The following CDKL3 variants were observed in gnomAD, a reference collection of about 807,000 sequenced individuals.
The protein encoded by CDKL3 is cyclin dependent kinase like 3.
In CDKL3, 65 loss-of-function variants were observed where a neutral mutation model predicts 69.3. The observed-to-expected ratio is 0.94, with a 90% CI of 0.77 to 1.15. CDKL3 has a LOEUF of 1.15. Among genes scored for constraint, CDKL3 ranks in the 50% most tolerant of loss-of-function variants. The pLI, the probability that CDKL3 is intolerant of heterozygous loss-of-function variation, is 0.00. For synonymous variants in CDKL3, 202 were observed against 221.6 expected (o/e 0.91, Z 0.79); for missense variants, 652 against 689.2 (o/e 0.95, Z 0.61).
At chr5:134,366,592 TTTTA>T (rs970341056) in intron 1 of CDKL3, 48 bp from the exon 2 acceptor site, 5 of 1,169,246 alleles carry the variant, frequency 4.3e-6, no homozygotes, top group African/African-American at 1.6e-5. Flanking sequence ...ACGTTTATAC[TTTTA>T]TTTATTAAAA....
At chr5:134,293,037 T>TTTTTA (rs1765193328) in intron 8 of CDKL3, among the ~76,000 whole-genome samples, 1 of 115,260 alleles carries the variant, frequency 8.7e-6, no homozygotes, top group Non-Finnish European at 1.7e-5. Flanking sequence ...TTTTTTTTTT[T>TTTTTA]GAGACGGAGT....
intron 3 of CDKL3, among the ~76,000 whole-genome samples, chr5:134,359,659 T>C (rs1449629696): frequency 2.0e-5 from 3 of 152,162 alleles, no homozygotes; most frequent in African/African-American, 7.2e-5. Flanking sequence ...AAATTACTGA[T>C]ACTGCCTTTA....
At chr5:134,313,852 A>G (rs911186185) in intron 6 of CDKL3, among the ~76,000 whole-genome samples, 3 of 152,084 alleles carry the variant, frequency 2.0e-5, no homozygotes, top group Admixed American at 1.3e-4. Flanking sequence ...GACTGCAACT[A>G]GTTGGCCAGG....
chr5:134,293,234 G>A (rs1307259522), intron 8 of CDKL3, among the ~76,000 whole-genome samples: 1 of 151,484 alleles, frequency 6.6e-6, no homozygotes, highest in African/African-American at 2.4e-5. Context: ...TGGTCAGGCT[G>A]GTCTCAAACT....
Position 134,366,455 on chromosome 5 carries a change from A to G in CDKL3, c.69T>C (p.His23=). Reference sequence around the variant, plus strand: ...TGGCCACTATCTGCCCAGTATTCTTATGTTTACATTTCATGACTGTTCCGT... The same window carrying G: ...TGGCCACTATCTGCCCAGTATTCTTGTGTTTACATTTCATGACTGTTCCGT... ...GSYGTVMKCK[H]KNTGQIVAIK... Residue 23 remains histidine, a synonymous_variant, in exon 2 of 13, where the codon CAT becomes CAC. Coordinates refer to ENST00000265334, the MANE Select transcript of CDKL3 (RefSeq NM_001113575.2). 1 of 1,609,014 alleles carries G rather than the reference A, an allele frequency of 6.2e-7. No homozygotes were observed. The highest frequency in any genetic ancestry group is 8.5e-7 in the Non-Finnish European group (1 of 1,177,452).
At chr5:134,359,583 CT>C (rs1397629526) in intron 3 of CDKL3, among the ~76,000 whole-genome samples, 1 of 152,026 alleles carries the variant, frequency 6.6e-6, no homozygotes, top group Non-Finnish European at 1.5e-5. Context: ...ACAGACCTGA[CT>C]TTCAATGTTT....
intron 2 of CDKL3, among the ~76,000 whole-genome samples, chr5:134,363,079 GA>G (rs928600206): frequency 6.6e-6 from 1 of 151,710 alleles, no homozygotes; most frequent in Non-Finnish European, 1.5e-5. Context: ...TGATTAAATA[GA>G]AAAAAAATAA....
upstream of CDKL3, among the ~76,000 whole-genome samples, chr5:134,368,721 G>C (rs1757993416): frequency 6.6e-6 from 1 of 151,838 alleles, no homozygotes; most frequent in South Asian, 2.1e-4. Context: ...CTCAAACTTG[G>C]TGTAAGCATA....
rs1054683872 is a variant in CDKL3, at chr5:134,366,500, T to C, written c.24A>G (p.Gly8=). Residue 8 remains glycine, a synonymous_variant, in exon 2 of 13, where the codon GGA becomes GGG. Coordinates refer to ENST00000265334, the MANE Select transcript of CDKL3 (RefSeq NM_001113575.2). MEMYETL[G]KVGEGSYGTV... ...TTCCGTAACTTCCCTCTCCCACTTT[T>C]CCAAGGGTTTCATACATCTCCATTT... The C allele has an allele frequency of 2.5e-6, 4 of 1,607,220 alleles. No homozygotes were observed. In the African/African-American group the frequency reaches 4.0e-5, roughly 16 times the overall value.
At chr5:134,299,655 C>T in intron 12 of CDKL3, 2 of 1,518,714 alleles carry the variant, frequency 1.3e-6, no homozygotes, top group Non-Finnish European at 1.8e-6. Flanking sequence ...AAAAACCATA[C>T]AGTGATTCTG....
intron 8 of CDKL3, among the ~76,000 whole-genome samples, chr5:134,291,338 T>C (rs1246157462): frequency 2.0e-5 from 3 of 152,204 alleles, no homozygotes; most frequent in African/African-American, 7.2e-5. Flanking sequence ...TATTCAAGGT[T>C]ATGTGTCTGG....
At chr5:134,318,033 G>A (rs112267423) in intron 6 of CDKL3, among the ~76,000 whole-genome samples, 2,491 of 152,080 alleles carry the variant, frequency 0.016, 26 homozygotes, top group Non-Finnish European at 0.025. Context: ...CAGCCTGACC[G>A]ACATGGAGAA....
chr5:134,350,233 C>A lies in CDKL3; in HGVS notation c.539+16G>T, dbSNP rs1752930688. 3.3e-6 allele frequency: 5 copies of A among 1,517,654 alleles called. No homozygotes were observed. The highest frequency in any genetic ancestry group is 1.4e-5 in the African/African-American group (1 of 71,352). The allele number at this position is 1,517,654 out of a possible 1,614,324, so 94.0% of individuals were successfully genotyped here. On this transcript the variant is annotated intron_variant, in intron 4 of 12. Transcript: ENST00000265334. ...GATACCTAGGAAAGGCTGACAGGAT[C>A]CCAAAATACACATACTTTCCATAAG...
intron 12 of CDKL3, chr5:134,299,609 T>C: frequency 1.4e-6 from 2 of 1,414,660 alleles, no homozygotes; most frequent in Non-Finnish European, 1.9e-6. Context: ...CTAGTTAGCA[T>C]TTTTGTGTAT....
At chr5:134,317,218 C>T (rs1487415669) in intron 6 of CDKL3, among the ~76,000 whole-genome samples, 3 of 152,140 alleles carry the variant, frequency 2.0e-5, no homozygotes, top group Non-Finnish European at 4.4e-5. Context: ...TCACTGCAAC[C>T]TCTGCCTCCC....
Position 134,340,815 on chromosome 5 carries a change from T to A in CDKL3, c.539+9434A>T, listed in dbSNP as rs62381370. The stretch of plus-strand genomic sequence containing the variant: ...GAATTAATACCAAGTCTTCACAAAC[T>A]CTTTCAAAAAACAGAAGGAACACAT... On this transcript the variant is annotated intron_variant, in intron 4 of 12. Coordinates refer to ENST00000265334, the MANE Select transcript of CDKL3 (RefSeq NM_001113575.2). Among the ~76,000 whole-genome samples, 1,345 of 152,248 alleles carry A rather than the reference T, an allele frequency of 8.8e-3. 13 individuals carry two copies. Among genetic ancestry groups the A allele is most frequent in the Non-Finnish European group, 0.012 (791 of 68,006 alleles).
chr5:134,319,050 G>A (rs1476893007), intron 6 of CDKL3: 1 of 188,130 alleles, frequency 5.3e-6, no homozygotes, highest in Non-Finnish European at 1.1e-5. Flanking sequence ...CCTGGGTGCG[G>A]TGACTCATGC....
At chr5:134,311,024 T>C (rs1008502152) in intron 7 of CDKL3, among the ~76,000 whole-genome samples, 9 of 152,348 alleles carry the variant, frequency 5.9e-5, no homozygotes, top group Non-Finnish European at 1.2e-4. Context: ...ATGAGAAACT[T>C]TTCCTGTTTC....
chr5:134,365,618 G>A (rs1485203111), intron 2 of CDKL3, among the ~76,000 whole-genome samples: 2 of 152,014 alleles, frequency 1.3e-5, no homozygotes, highest in African/African-American at 4.8e-5. Context: ...TCTTTACACT[G>A]AATTCAAAAC....
Sources: allele counts gnomAD v4.1 joint callset (sites outside exome capture counted in the v4.1 genomes callset), GRCh38; gene constraint gnomAD v4.1.1; transcripts MANE v1.5; gene names NCBI Gene and HGNC (gene_info 2026-07-23, HGNC 2026-07-21).